PGR: variants seen among roughly 807,000 people sequenced by gnomAD.
PGR encodes nuclear receptor subfamily 3 group C member 3.
In PGR, 25 loss-of-function variants were observed where a neutral mutation model predicts 76.1. The observed-to-expected ratio is 0.33, with a 90% confidence interval of 0.24 to 0.46. The LOEUF (loss-of-function observed/expected upper bound fraction) is 0.46, where lower values mean the gene tolerates loss of function less well. PGR is among the 20% of genes least tolerant of loss of function. The probability of loss-of-function intolerance (pLI) is 1.00; values close to 1 mark genes in which losing one functional copy is unlikely to be tolerated. For missense variants in PGR, 1,172 were observed against 1,225.3 expected, an observed-to-expected ratio of 0.96 and a Z score of 0.65; for synonymous variants, 579 against 535.0, an observed-to-expected ratio of 1.08 and a Z score of -1.14.
intron 3 of PGR, among the ~76,000 whole-genome samples, chr11:101,072,430 A>G (rs556351484): frequency 6.6e-6 from 1 of 152,340 alleles, no homozygotes; most frequent in Admixed American, 6.5e-5. Context: ...TAATGGGCAA[A>G]ATAACCAGCT....
Position 101,128,619 on chromosome 11 carries a change from G to C in PGR, c.452C>G (p.Pro151Arg). 6.3e-7 allele frequency: 1 copy of C among 1,588,890 alleles called. No homozygotes were observed. Among genetic ancestry groups the C allele is most frequent in the Non-Finnish European group, 8.5e-7 (1 of 1,169,750 alleles). ...CCGCTGGGTGGCGGGGGCAGCCGGT[G>C]GATCTTCGGGAAGTTCGGGGCCAAA... Reference protein sequence around the residue: ...CLFGPELPEDPPAAPATQRVL... With the variant: ...CLFGPELPEDRPAAPATQRVL... The change falls in exon 1 of 8, where the codon CCA (proline) becomes CGA (arginine). Residue 151 changes from proline (P) to arginine (R), a missense_variant. Pro to Arg is a moderately radical substitution (Grantham distance 103). Around this residue, in one of 4 missense-constraint regions of PGR, gnomAD observed 893 missense variants for 785.9 expected, o/e 1.14. Coordinates refer to ENST00000325455, the MANE Select transcript of PGR (RefSeq NM_000926.4).
chr11:101,077,379 C>G (rs653752), intron 3 of PGR, among the ~76,000 whole-genome samples: 84,446 of 151,972 alleles, frequency 0.56, 24,390 homozygotes, highest in Non-Finnish European at 0.63. Flanking sequence ...GATCAAAACA[C>G]AGTGTGCCTT....
chr11:101,074,935 G>A (rs753809891), intron 3 of PGR, among the ~76,000 whole-genome samples: 2 of 152,072 alleles, frequency 1.3e-5, no homozygotes, highest in Non-Finnish European at 2.9e-5. Context: ...TCCCCAACAA[G>A]CTAACATTGA....
chr11:101,095,787 A>G (rs1861813792), intron 2 of PGR, among the ~76,000 whole-genome samples: 1 of 152,220 alleles, frequency 6.6e-6, no homozygotes, highest in Non-Finnish European at 1.5e-5. Flanking sequence ...GTCTATTATA[A>G]TTATGATTAT....
chr11:101,124,193 G>C (rs2135507456), intron 2 of PGR, among the ~76,000 whole-genome samples: 1 of 152,270 alleles, frequency 6.6e-6, no homozygotes, highest in South Asian at 2.1e-4. Flanking sequence ...CAAGACTATA[G>C]GACCATGCCA....
At chr11:101,104,258 G>A (rs1256123587) in intron 2 of PGR, among the ~76,000 whole-genome samples, 1 of 152,132 alleles carries the variant, frequency 6.6e-6, no homozygotes, top group Non-Finnish European at 1.5e-5. Context: ...GGTTGCATAT[G>A]TGCTCTCTAT....
Position 101,127,456 on chromosome 11 carries a change from G to T in PGR, c.1615C>A (p.Pro539Thr). 6.4e-7 allele frequency: 1 copy of T among 1,559,728 alleles called. No individual in the cohort carries two copies. The highest frequency in any genetic ancestry group is 8.7e-7 in the Non-Finnish European group (1 of 1,155,608). The change falls in exon 1 of 8, where the codon CCG (proline) becomes ACG (threonine). Residue 539 changes from proline to threonine, a missense_variant. Pro to Thr is a conservative substitution (Grantham distance 38). Around this residue, in one of 4 missense-constraint regions of PGR, gnomAD observed 893 missense variants for 785.9 expected, o/e 1.14. Coordinates refer to ENST00000325455, the MANE Select transcript of PGR (RefSeq NM_000926.4). ...CACCTCAGGTAGTTGAGATAGGGCGGGTAGACCTGCGGCAGGCCCTCCTTG... is the reference window on the plus strand; with the variant it reads ...CACCTCAGGTAGTTGAGATAGGGCGTGTAGACCTGCGGCAGGCCCTCCTTG... ...VLKEGLPQVY[P>T]PYLNYLRPDS...
intron 2 of PGR, among the ~76,000 whole-genome samples, chr11:101,123,820 A>G (rs1030065814): frequency 6.6e-6 from 1 of 152,212 alleles, no homozygotes; most frequent in Non-Finnish European, 1.5e-5. Context: ...GCATTTACTG[A>G]GAATCTTTAT....
chr11:101,098,874 G>C lies in PGR; in HGVS notation c.1790-6998C>G, dbSNP rs1300590489. On this transcript the variant is annotated intron_variant, in intron 2 of 7. Coordinates refer to ENST00000325455, the MANE Select transcript of PGR (RefSeq NM_000926.4). Reference sequence around the variant, plus strand: ...TACACAGAAAATGCCAGGCAGCCAGGAATCTGTCCAAAATTCAGGGTGAGG... The same window carrying C: ...TACACAGAAAATGCCAGGCAGCCAGCAATCTGTCCAAAATTCAGGGTGAGG... Among the ~76,000 whole-genome samples, 7 of 152,186 alleles carry C rather than the reference G, an allele frequency of 4.6e-5. No homozygotes were observed. The East Asian group carries it at 1.3e-3, about 29-fold the overall frequency.
chr11:101,049,863 G>GTTTGCAAC (rs1051905823), intron 6 of PGR, 66 bp downstream of exon 6: 1 of 1,370,090 alleles, frequency 7.3e-7, no homozygotes, highest in Non-Finnish European at 1.0e-6. Context: ...TAATCATATT[G>GTTTGCAAC]TTTGCAACTT....
chr11:101,043,841 T>C (rs1859775985), intron 6 of PGR, among the ~76,000 whole-genome samples: 2 of 152,222 alleles, frequency 1.3e-5, no homozygotes, highest in South Asian at 4.1e-4. Flanking sequence ...TGGGTCAAAA[T>C]ATTCAGTAAA....
intron 3 of PGR, among the ~76,000 whole-genome samples, chr11:101,078,285 G>A (rs984047126): frequency 4.6e-4 from 69 of 151,130 alleles, no homozygotes; most frequent in African/African-American, 1.6e-3. Flanking sequence ...GAAAATAATA[G>A]AAAAAAAGAA....
intron 2 of PGR, among the ~76,000 whole-genome samples, chr11:101,108,475 A>C (rs1862245805): frequency 6.6e-6 from 1 of 152,168 alleles, no homozygotes; most frequent in African/African-American, 2.4e-5. Flanking sequence ...CTGTCTCTAA[A>C]TAATAATAAA....
Position 101,127,614 on chromosome 11 carries a change from C to T in PGR, c.1457G>A (p.Ser486Asn), listed in dbSNP as rs1231656969. ...GCCGTCCCGCGGGAGCAGGCAGCCG[C>T]TCGCGCCCGGCGCCTTGCAGGGCGG... ...APPPCKAPGA[S>N]GCLLPRDGLP... Residue 486 changes from serine to asparagine, a missense_variant, in exon 1 of 8, where the codon AGC becomes AAC. Physicochemically the swap from Ser to Asn is conservative, Grantham distance 46 (BLOSUM62 1). Coordinates refer to ENST00000325455, the MANE Select transcript of PGR (RefSeq NM_000926.4). The T allele has an allele frequency of 2.3e-6, 3 of 1,306,866 alleles. No homozygotes were observed. The highest frequency in any genetic ancestry group is 2.9e-6 in the Non-Finnish European group (3 of 1,037,398). 81.0% of individuals were successfully genotyped at this position (1,306,866 alleles called of 1,614,324 possible).
intron 3 of PGR, among the ~76,000 whole-genome samples, chr11:101,079,244 G>A (rs1176096551): frequency 6.6e-6 from 1 of 151,976 alleles, no homozygotes; most frequent in Non-Finnish European, 1.5e-5. Flanking sequence ...AAGACCTCAA[G>A]GCATAGGCAA....
chr11:101,099,237 GAATA>G (rs1490842565), intron 2 of PGR, among the ~76,000 whole-genome samples: 1 of 152,186 alleles, frequency 6.6e-6, no homozygotes, highest in Non-Finnish European at 1.5e-5. Context: ...ACAGCAATGA[GAATA>G]AATGTCTAGC....
At position 101,126,110 on chromosome 11, in the gene PGR, TAATGACTCG is replaced by T. The variant is rs764849320; in HGVS notation, c.1677_1685del (p.Phe559_Ser561del). 1 of 1,614,056 alleles carries T rather than the reference TAATGACTCG, an allele frequency of 6.2e-7. No individual in the cohort carries two copies. The highest frequency in any genetic ancestry group is 1.1e-5 in the South Asian group (1 of 91,082). Reference sequence around the variant, plus strand: ...CACAGATTAAACAAATCTTCTGAGGTAATGACTCGAAGCTGTATTGTGGGCTCTGGCTGG... The same window carrying T: ...CACAGATTAAACAAATCTTCTGAGGTAAGCTGTATTGTGGGCTCTGGCTGG... On this transcript the variant is annotated inframe_deletion, in exon 2 of 8. Coordinates refer to ENST00000325455, the MANE Select transcript of PGR (RefSeq NM_000926.4).
At position 101,127,590 on chromosome 11, in the gene PGR, C is replaced by A. The variant is rs1476458706; in HGVS notation, c.1481G>T (p.Gly494Val). ...GASGCLLPRDGLPSTSASAAA... is the reference protein window; with the variant it reads ...GASGCLLPRDVLPSTSASAAA... ...GGCAGAGGCGGAGGTGGAGGGCAGGCCGTCCCGCGGGAGCAGGCAGCCGCT... is the reference window on the plus strand; with the variant it reads ...GGCAGAGGCGGAGGTGGAGGGCAGGACGTCCCGCGGGAGCAGGCAGCCGCT... The change falls in exon 1 of 8, where the codon GGC (glycine) becomes GTC (valine). Residue 494 changes from glycine (G) to valine (V), a missense_variant. This residue lies in a region of PGR where 893 missense variants were observed against 785.9 expected (regional missense o/e 1.14). Coordinates refer to ENST00000325455, the MANE Select transcript of PGR (RefSeq NM_000926.4). 6.9e-6 allele frequency: 9 copies of A among 1,312,328 alleles called. No homozygotes were observed. The highest frequency in any genetic ancestry group is 8.7e-6 in the Non-Finnish European group (9 of 1,039,478). 81.3% of individuals were successfully genotyped at this position (1,312,328 alleles called of 1,614,324 possible).
intron 3 of PGR, among the ~76,000 whole-genome samples, chr11:101,075,755 A>C (rs1234173680): frequency 6.6e-6 from 1 of 152,254 alleles, no homozygotes; most frequent in Non-Finnish European, 1.5e-5. Flanking sequence ...ATGCAAATCA[A>C]TACCACAATG....
Sources: gnomAD v4.1 joint callset for allele counts (sites outside exome capture counted in the v4.1 genomes callset) on GRCh38, gnomAD v4.1.1 for gene constraint, gnomAD v4.1.1 regional missense constraint, MANE v1.5 for transcripts, NCBI Gene and HGNC (gene_info 2026-07-23, HGNC 2026-07-21) for gene names.